The following ADGRF4 variants were observed in gnomAD, a reference collection of about 807,000 sequenced individuals.
ADGRF4 encodes the protein G-protein coupled receptor PGR18.
In ADGRF4, 63 loss-of-function variants were observed where a neutral mutation model predicts 58.5. The observed-to-expected ratio is 1.08, with a 90% CI of 0.88 to 1.33. The LOEUF is 1.33. ADGRF4 is among the 40% of genes most tolerant of loss of function. The probability of loss-of-function intolerance (pLI) is 0.00; values close to 1 mark genes in which losing one functional copy is unlikely to be tolerated. For synonymous variants in ADGRF4, 313 were observed against 295.4 expected, an observed-to-expected ratio of 1.06 and a Z score of -0.61; for missense variants, 931 against 843.9, an observed-to-expected ratio of 1.10 and a Z score of -1.28.
intron 7 of ADGRF4, among the ~76,000 whole-genome samples, chr6:47,717,070 AG>A (rs2113907977): frequency 6.6e-6 from 1 of 152,350 alleles, no homozygotes; most frequent in East Asian, 1.9e-4. Context: ...GCTGGTGAAA[AG>A]AATGGAAATC....
chr6:47,704,423 T>C (rs1771658978), intron 1 of ADGRF4, among the ~76,000 whole-genome samples: 1 of 152,174 alleles, frequency 6.6e-6, no homozygotes, highest in East Asian at 1.9e-4. Context: ...TGGAGAGGAA[T>C]TGGGTTTGCC....
chr6:47,710,675 A>G, intron 3 of ADGRF4, 60 bp from the exon 4 acceptor site: 1 of 1,510,752 alleles, frequency 6.6e-7, no homozygotes, highest in Non-Finnish European at 8.9e-7. Context: ...TGCACCTGTC[A>G]AAATGTGGAA....
Position 47,707,328 on chromosome 6 carries a change from T to A in ADGRF4, c.83T>A (p.Ile28Asn), listed in dbSNP as rs746551585. 6.2e-7 allele frequency: 1 copy of A among 1,604,584 alleles called. No homozygotes were observed. The highest frequency in any genetic ancestry group is 1.7e-5 in the Admixed American group (1 of 60,010). ...GAATGTTCCCACTATAGATCCAAGA[T>A]TCACCTAAAAGTAAGTTTGATCTAT... ...STECSHYRSK[I>N]HLKAGDKLQS... The change falls in exon 2 of 10, where the codon ATT (isoleucine) becomes AAT (asparagine). Residue 28 changes from isoleucine to asparagine, a missense_variant. Ile to Asn is a moderately radical substitution (Grantham distance 149, BLOSUM62 -3). Transcript: ENST00000283303.
At chr6:47,716,885 A>C in intron 7 of ADGRF4, 38 bp downstream of exon 7, 1 of 1,436,598 alleles carries the variant, frequency 7.0e-7, no homozygotes, top group Non-Finnish European at 9.7e-7. Flanking sequence ...AATGGTTTTC[A>C]TGTGGCTGGG....
intron 3 of ADGRF4, among the ~76,000 whole-genome samples, chr6:47,709,271 C>G (rs1451314281): frequency 6.6e-6 from 1 of 152,266 alleles, no homozygotes; most frequent in Non-Finnish European, 1.5e-5. Flanking sequence ...CAGCCTCGTT[C>G]TTCCTATCTG....
chr6:47,705,689 C>T (rs1252829941), intron 1 of ADGRF4, among the ~76,000 whole-genome samples: 1 of 152,176 alleles, frequency 6.6e-6, no homozygotes, highest in African/African-American at 2.4e-5. Flanking sequence ...CTTGACTCTA[C>T]CCAGAAAGGG....
In ADGRF4 at chr6:47,721,245, G is replaced by A. The variant is rs1035006826; in HGVS notation, c.*40G>A. On this transcript the variant is annotated 3_prime_UTR_variant, in exon 10 of 10. Coordinates refer to ENST00000283303, the MANE Select transcript of ADGRF4 (RefSeq NM_153838.5). The stretch of plus-strand genomic sequence containing the variant: ...TCTCATGGATGTCCTGAGACCAAGA[G>A]GGGAGATCCAGGAGAAAGAGGCCAT... The A allele has an allele frequency of 6.6e-6, 1 of 152,148 alleles. No homozygotes were observed. Among genetic ancestry groups the A allele is most frequent in the African/African-American group, 2.4e-5 (1 of 41,434 alleles). 9.4% of individuals were successfully genotyped at this position (152,148 alleles called of 1,614,324 possible). A position where few individuals can be genotyped will look rare whatever the true frequency, so the allele number is the denominator to read the frequency against.
chr6:47,716,970 GA>G, intron 7 of ADGRF4, 123 bp downstream of exon 7: 1 of 722,198 alleles, frequency 1.4e-6, no homozygotes, highest in South Asian at 1.6e-5. Flanking sequence ...ATGGTTCAAG[GA>G]ATCAGCTGTG....
chr6:47,706,609 A>G (rs1160482618), intron 1 of ADGRF4, among the ~76,000 whole-genome samples: 1 of 152,230 alleles, frequency 6.6e-6, no homozygotes, highest in Non-Finnish European at 1.5e-5. Flanking sequence ...GCTGCTAAGC[A>G]TCCTACAATT....
At chr6:47,709,367 A>G (rs936857375) in intron 3 of ADGRF4, among the ~76,000 whole-genome samples, 3 of 152,202 alleles carry the variant, frequency 2.0e-5, no homozygotes, top group African/African-American at 7.2e-5. Context: ...AGCCATGCCC[A>G]TTCATTTACG....
chr6:47,709,443 G>T (rs1241238804), intron 3 of ADGRF4, among the ~76,000 whole-genome samples: 3 of 152,160 alleles, frequency 2.0e-5, no homozygotes, highest in African/African-American at 7.2e-5. Context: ...GACTCATATG[G>T]CCTGCAAAGC....
At chr6:47,701,641 A>G (rs1771589201) in intron 1 of ADGRF4, among the ~76,000 whole-genome samples, 1 of 152,150 alleles carries the variant, frequency 6.6e-6, no homozygotes, top group South Asian at 2.1e-4. Context: ...TCTTGTGGTC[A>G]CCCAAGCTTT....
Position 47,710,893 on chromosome 6 carries a change from C to T in ADGRF4, c.300+7C>T. 3 of 1,606,282 alleles carry T rather than the reference C, an allele frequency of 1.9e-6. No homozygotes were observed. In the African/African-American group the frequency reaches 4.0e-5, roughly 22 times the overall value. ...TGTGGAAAAACTCTTTAAGGTGATG[C>T]ATTCACAAATTATTGGTGACAGAAG... is the stretch of plus-strand genomic sequence containing the variant. On this transcript the variant is annotated splice_region_variant and intron_variant, in intron 4 of 9. Coordinates refer to ENST00000283303, the MANE Select transcript of ADGRF4 (RefSeq NM_153838.5).
At chr6:47,708,331 G>A in intron 3 of ADGRF4, 53 bp downstream of exon 3, 2 of 1,365,996 alleles carry the variant, frequency 1.5e-6, no homozygotes, top group Non-Finnish European at 1.0e-6. Flanking sequence ...AAGAATAAAG[G>A]AAGGGCACTG....
In ADGRF4 at chr6:47,718,398, C is replaced by G. The variant is rs1014620331; in HGVS notation, c.2044C>G (p.Leu682Val). Residue 682 changes from leucine (L) to valine (V), a missense_variant, in exon 9 of 10, where the codon CTA becomes GTA. Physicochemically the swap from Leu to Val is conservative, Grantham distance 32. Transcript: ENST00000283303. ...TTTTTCCCCCACTTAGAATGCATCA[C>G]TAGGCCCAACCAATGGATCTAAATT... is the stretch of plus-strand genomic sequence containing the variant. Reference protein sequence around the residue: ...GKSRAAENASLGPTNGSKLMN... With the variant: ...GKSRAAENASVGPTNGSKLMN... The G allele has an allele frequency of 4.5e-6, 7 of 1,563,228 alleles. No individual in the cohort carries two copies. In the African/African-American group the frequency reaches 5.4e-5, roughly 12 times the overall value.
rs746773142 is a variant in ADGRF4 at position 47,713,827 on chromosome 6, C to G, written c.582C>G (p.Leu194=). The G allele has an allele frequency of 4.5e-6, 7 of 1,571,236 alleles. No individual in the cohort carries two copies. The highest frequency in any genetic ancestry group is 1.2e-5 in the South Asian group (1 of 82,270). ...ATAGTGAAGTGGCCAACCACATCCT[C>G]GACACAGCAGCCATTTCAAACTGGG... ...KSYSEVANHI[L]DTAAISNWAF... is the part of the protein sequence containing the mutation. The change falls in exon 6 of 10, where the codon CTC becomes CTG. Residue 194 remains leucine (L), a synonymous_variant. Coordinates refer to ENST00000283303, the MANE Select transcript of ADGRF4 (RefSeq NM_153838.5).
chr6:47,714,344 A>T lies in ADGRF4; in HGVS notation c.1099A>T (p.Met367Leu). 6.2e-7 allele frequency: 1 copy of T among 1,614,148 alleles called. No individual in the cohort carries two copies. Among genetic ancestry groups the T allele is most frequent in the East Asian group, 2.2e-5 (1 of 44,876 alleles). Residue 367 changes from methionine to leucine, a missense_variant, in exon 6 of 10, where the codon ATG becomes TTG. By Grantham distance (15) the Met-to-Leu change is conservative. Coordinates refer to ENST00000283303, the MANE Select transcript of ADGRF4 (RefSeq NM_153838.5). ...RRWDEKACQM[M>L]LDIRNEVKCR... ...ATGGGATGAGAAAGCGTGCCAAATGATGTTGGATATCAGGAACGAAGTGAA... is the reference window on the plus strand; with the variant it reads ...ATGGGATGAGAAAGCGTGCCAAATGTTGTTGGATATCAGGAACGAAGTGAA...
At chr6:47,716,878 G>C in intron 7 of ADGRF4, 31 bp downstream of exon 7, 1 of 1,475,948 alleles carries the variant, frequency 6.8e-7, no homozygotes, top group Non-Finnish European at 9.4e-7. Context: ...CCTTATAAAT[G>C]GTTTTCATGT....
Position 47,714,354 on chromosome 6 carries a change from T to G in ADGRF4, c.1109T>G (p.Ile370Ser), listed in dbSNP as rs1433662698. ...AAAGCGTGCCAAATGATGTTGGATA[T>G]CAGGAACGAAGTGAAATGCCGCTGT... Reference protein sequence around the residue: ...DEKACQMMLDIRNEVKCRCNY... With the variant: ...DEKACQMMLDSRNEVKCRCNY... The change falls in exon 6 of 10, where the codon ATC becomes AGC. Residue 370 changes from isoleucine (I) to serine (S), a missense_variant. By Grantham distance (142) the Ile-to-Ser change is moderately radical. Transcript: ENST00000283303. 1 of 1,614,138 alleles carries G rather than the reference T, an allele frequency of 6.2e-7. No homozygotes were observed. The highest frequency in any genetic ancestry group is 2.2e-5 in the East Asian group (1 of 44,874).
Sources: gnomAD v4.1 joint callset for allele counts (sites outside exome capture counted in the v4.1 genomes callset) on GRCh38, gnomAD v4.1.1 for gene constraint, MANE v1.5 for transcripts, NCBI Gene and HGNC (gene_info 2026-07-23, HGNC 2026-07-21) for gene names.